BABAM2: variants seen among roughly 807,000 people sequenced by gnomAD.
The protein encoded by BABAM2 is BRISC and BRCA1-A complex member 2.
BABAM2 carries 31 observed loss-of-function variants against 54.7 expected under a neutral mutation model. That is an observed-to-expected ratio of 0.57 (90% confidence interval 0.43 to 0.77). The LOEUF (loss-of-function observed/expected upper bound fraction) is 0.77. BABAM2 is among the 30% of genes least tolerant of loss of function. BABAM2 has a pLI of 0.00. For missense variants in BABAM2, 364 were observed against 455.8 expected (o/e 0.80, Z 1.83); for synonymous variants, 167 against 162.9 (o/e 1.03, Z -0.19).
chr2:27,980,153 G>A (rs1671896758), intron 3 of BABAM2, among the ~76,000 whole-genome samples: 1 of 152,082 alleles, frequency 6.6e-6, no homozygotes, highest in Admixed American at 6.6e-5. Flanking sequence ...GTTGTTAGGT[G>A]GTTGTAACAC....
intron 6 of BABAM2, among the ~76,000 whole-genome samples, chr2:28,091,178 C>T (rs1172866394): frequency 6.6e-6 from 1 of 152,030 alleles, no homozygotes; most frequent in Non-Finnish European, 1.5e-5. Flanking sequence ...CTTTTGTTTT[C>T]TAGTCCTAAA....
At chr2:27,963,816 T>A (rs1670652260) in intron 3 of BABAM2, among the ~76,000 whole-genome samples, 1 of 152,240 alleles carries the variant, frequency 6.6e-6, no homozygotes, top group South Asian at 2.1e-4. Context: ...TGACTCTGTT[T>A]TATTCAACAT....
intron 4 of BABAM2, among the ~76,000 whole-genome samples, chr2:28,001,219 C>T (rs1055456335): frequency 1.3e-5 from 2 of 152,188 alleles, no homozygotes; most frequent in African/African-American, 4.8e-5. Context: ...CCACATGGAT[C>T]ATTCTAGTCA....
intron 6 of BABAM2, among the ~76,000 whole-genome samples, chr2:28,059,011 C>T (rs1268794427): frequency 6.6e-6 from 1 of 152,116 alleles, no homozygotes; most frequent in Non-Finnish European, 1.5e-5. Context: ...TCCTGAGATA[C>T]AGCAGTCTGA....
chr2:28,016,512 C>T (rs931596419), intron 4 of BABAM2: 64 of 885,032 alleles, frequency 7.2e-5, no homozygotes, highest in African/African-American at 9.9e-5. Context: ...AGTCGCACGC[C>T]GAGGGAAACT....
intron 6 of BABAM2, among the ~76,000 whole-genome samples, chr2:28,048,790 A>G (rs531584832): frequency 3.3e-5 from 5 of 152,330 alleles, no homozygotes; most frequent in Non-Finnish European, 4.4e-5. Flanking sequence ...AGTATTCTCT[A>G]CAGTTACTGA....
At chr2:28,312,369 C>T (rs897879388) in intron 11 of BABAM2, among the ~76,000 whole-genome samples, 1 of 152,116 alleles carries the variant, frequency 6.6e-6, no homozygotes, top group Admixed American at 6.6e-5. Flanking sequence ...AGGTACCATC[C>T]AGCTCATTAT....
chr2:28,161,575 C>A (rs771446524), intron 7 of BABAM2, among the ~76,000 whole-genome samples: 1 of 152,176 alleles, frequency 6.6e-6, no homozygotes, highest in African/African-American at 2.4e-5. Context: ...CCAAACTCTT[C>A]CCCTTTTCAA....
chr2:28,103,667 C>T (rs968974762), intron 6 of BABAM2, among the ~76,000 whole-genome samples: 2 of 152,180 alleles, frequency 1.3e-5, no homozygotes, highest in African/African-American at 4.8e-5. Context: ...TTCTTTTCAA[C>T]CATCACTGAA....
intron 6 of BABAM2, among the ~76,000 whole-genome samples, chr2:28,046,014 A>G (rs993798419): frequency 2.0e-5 from 3 of 152,244 alleles, no homozygotes; most frequent in Non-Finnish European, 4.4e-5. Flanking sequence ...CCATATTAAA[A>G]TAAAATTATT....
chr2:28,015,613 C>T (rs974188481), intron 4 of BABAM2, among the ~76,000 whole-genome samples: 14 of 152,114 alleles, frequency 9.2e-5, no homozygotes, highest in African/African-American at 3.1e-4. Flanking sequence ...ATCTGAGTGG[C>T]TACTGAATAG....
At chr2:27,899,835 G>A (rs1665644709) in intron 2 of BABAM2, among the ~76,000 whole-genome samples, 2 of 152,116 alleles carry the variant, frequency 1.3e-5, no homozygotes, top group Admixed American at 6.5e-5. Flanking sequence ...CATTTAATAT[G>A]TATGGAATTT....
At chr2:28,277,427 A>G (rs1685973227) in intron 10 of BABAM2, among the ~76,000 whole-genome samples, 1 of 152,172 alleles carries the variant, frequency 6.6e-6, no homozygotes, top group African/African-American at 2.4e-5. Flanking sequence ...TTTTAAATAT[A>G]TGGAAAGTGG....
intron 6 of BABAM2, among the ~76,000 whole-genome samples, chr2:28,072,150 C>T (rs916859951): frequency 1.1e-4 from 16 of 151,644 alleles, no homozygotes; most frequent in Admixed American, 1.3e-4. Flanking sequence ...CCTTCCAAAG[C>T]ACTGGGATTA....
intron 7 of BABAM2, among the ~76,000 whole-genome samples, chr2:28,175,539 A>G (rs989245600): frequency 2.6e-5 from 4 of 152,140 alleles, no homozygotes; most frequent in African/African-American, 9.7e-5. Context: ...GCCTGTTGCC[A>G]CCATCACAGC....
chr2:28,055,144 A>G (rs981277614), intron 6 of BABAM2, among the ~76,000 whole-genome samples: 4 of 152,204 alleles, frequency 2.6e-5, no homozygotes, highest in African/African-American at 9.6e-5. Flanking sequence ...TCATTATCCT[A>G]AGGAAACTAA....
chr2:28,288,986 A>G (rs1687057154), intron 10 of BABAM2, among the ~76,000 whole-genome samples: 1 of 146,928 alleles, frequency 6.8e-6, no homozygotes, highest in Non-Finnish European at 1.5e-5. Context: ...TCTGAAGACT[A>G]TTCAGTTTTC....
chr2:27,973,019 C>T (rs960121192), intron 3 of BABAM2, among the ~76,000 whole-genome samples: 3 of 151,792 alleles, frequency 2.0e-5, no homozygotes, highest in African/African-American at 7.3e-5. Context: ...CCGCCCGCCT[C>T]GGCCTCCCAA....
chr2:28,154,954 C>T (rs144678226), intron 7 of BABAM2, among the ~76,000 whole-genome samples: 5 of 152,246 alleles, frequency 3.3e-5, no homozygotes, highest in South Asian at 2.1e-4. Flanking sequence ...TTTGTATCTC[C>T]GTGCTATTCC....
Sources: allele counts gnomAD v4.1 joint callset (sites outside exome capture counted in the v4.1 genomes callset), GRCh38; gene constraint gnomAD v4.1.1; transcripts MANE v1.5; gene names NCBI Gene and HGNC (gene_info 2026-07-23, HGNC 2026-07-21).